Variants in PTS observed in about 807,000 individuals in gnomAD.
The protein encoded by PTS is 6-pyruvoyl tetrahydrobiopterin synthase.
In PTS, 23 loss-of-function variants were observed where a neutral mutation model predicts 20.6. The ratio of observed to expected loss-of-function variants is 1.12; its 90% CI spans 0.80 to 1.58. The LOEUF (loss-of-function observed/expected upper bound fraction) is 1.58, where lower values mean the gene tolerates loss of function less well. Among genes scored for constraint, PTS ranks in the 40% most tolerant of loss-of-function variants. The pLI, the probability that PTS is intolerant of heterozygous loss-of-function variation, is 0.00. For missense variants in PTS, 186 were observed against 182.4 expected (o/e 1.02, Z -0.11); for synonymous variants, 65 against 62.5 (o/e 1.04, Z -0.19).
intron 4 of PTS, among the ~76,000 whole-genome samples, chr11:112,232,796 C>T (rs978470123): frequency 6.6e-6 from 1 of 152,070 alleles, no homozygotes; most frequent in African/African-American, 2.4e-5. Context: ...GGCATTGTTC[C>T]GTAGGTGTGA....
At chr11:112,228,437 A>G (rs1447653573) in intron 1 of PTS, 157 bp from the exon 2 acceptor site, 1 of 661,266 alleles carries the variant, frequency 1.5e-6, no homozygotes, top group African/African-American at 1.8e-5. Context: ...CGTAAGTAAT[A>G]AAATCAACAT....
rs529650855 is a variant in PTS at position 112,229,174 on chromosome 11, A to G, written c.163+501A>G. The stretch of plus-strand genomic sequence containing the variant: ...CTTAAAAAACAGGTACATAAGTCGT[A>G]GAGTATAAAACAGTATGTGGTGTGG... On this transcript the variant is annotated intron_variant, in intron 2 of 5. Transcript: ENST00000280362. The G allele has an allele frequency of 3.9e-4, 68 of 173,910 alleles. 2 individuals are homozygous for G. In the South Asian group the frequency reaches 8.6e-3, roughly 22 times the overall value. The allele number at this position is 173,910 out of a possible 1,614,324, so 10.8% of individuals were successfully genotyped here. A position where few individuals can be genotyped will look rare whatever the true frequency, so the allele number is the denominator to read the frequency against.
intron 2 of PTS, among the ~76,000 whole-genome samples, chr11:112,229,886 C>CAG (rs1306436886): frequency 6.6e-6 from 1 of 152,194 alleles, no homozygotes; most frequent in Non-Finnish European, 1.5e-5. Flanking sequence ...CTTCTACAGG[C>CAG]AGAGACTGAG....
intron 2 of PTS, among the ~76,000 whole-genome samples, chr11:112,229,936 A>C (rs538269895): frequency 6.6e-6 from 1 of 152,314 alleles, no homozygotes; most frequent in Admixed American, 6.5e-5. Context: ...CATAAGCAGA[A>C]TTTACACCCT....
At chr11:112,230,445 A>G in intron 3 of PTS, 181 bp from the exon 4 acceptor site, 2 of 793,376 alleles carry the variant, frequency 2.5e-6, no homozygotes, top group Non-Finnish European at 4.4e-6. Context: ...AGGGCTATAC[A>G]ATGAAAAGGA....
At chr11:112,226,833 C>T (rs1482509759) in intron 1 of PTS, among the ~76,000 whole-genome samples, 11 of 151,744 alleles carry the variant, frequency 7.2e-5, no homozygotes, top group Non-Finnish European at 1.6e-4. Context: ...CGTCTCTGCC[C>T]CTAGGAGTCC....
chr11:112,227,770 T>G (rs539250114), intron 1 of PTS, among the ~76,000 whole-genome samples: 109 of 152,258 alleles, frequency 7.2e-4, no homozygotes, highest in Middle Eastern at 3.4e-3. Context: ...TCCACTTCCA[T>G]GAGCCAAACA....
At chr11:112,229,953 C>G in intron 2 of PTS, 1 of 557,796 alleles carries the variant, frequency 1.8e-6, no homozygotes, top group Non-Finnish European at 3.2e-6. Context: ...CCCTTTTCAG[C>G]CTTGGCCGAG....
At chr11:112,228,265 C>T in intron 1 of PTS, 1 of 327,154 alleles carries the variant, frequency 3.1e-6, no homozygotes, top group Non-Finnish European at 5.6e-6. Context: ...TCAGCACTTG[C>T]CTGTTACATT....
At chr11:112,231,981 G>C (rs1859944071) in intron 4 of PTS, among the ~76,000 whole-genome samples, 1 of 150,848 alleles carries the variant, frequency 6.6e-6, no homozygotes, top group Admixed American at 6.6e-5. Context: ...AGAAAAGAAA[G>C]AAAAGAGACA....
intron 4 of PTS, among the ~76,000 whole-genome samples, chr11:112,232,452 T>TA (rs1859951291): frequency 6.6e-6 from 1 of 152,216 alleles, no homozygotes; most frequent in Non-Finnish European, 1.5e-5. Flanking sequence ...TGATTGCTGT[T>TA]ACTGTTATTA....
At position 112,233,637 on chromosome 11, in the gene PTS, C is replaced by T; in HGVS notation, c.*82C>T. 6.3e-7 allele frequency: 1 copy of T among 1,595,358 alleles called. No homozygotes were observed. The highest frequency in any genetic ancestry group is 1.7e-5 in the Admixed American group (1 of 59,056). On this transcript the variant is annotated 3_prime_UTR_variant, in exon 6 of 6. Transcript: ENST00000280362. ...TGATCCCCTTGGAATATTAAGAGGT[C>T]AACACGTGATTGTTGTACGTACACA...
Position 112,230,231 on chromosome 11 carries a change from G to A in PTS, c.186+1G>A, listed in dbSNP as rs1256819927. 6.2e-7 allele frequency: 1 copy of A among 1,613,450 alleles called. No homozygotes were observed. Among genetic ancestry groups the A allele is most frequent in the Non-Finnish European group, 8.5e-7 (1 of 1,179,438 alleles). On this transcript the variant is annotated splice_donor_variant, in intron 3 of 5. Transcript: ENST00000280362. LOFTEE classifies it high-confidence loss of function. ...AGTTGTGGTGACAGTACATGGAGAG[G>A]TATGTGCAGAAAATATTTGTGTGGT...
Position 112,233,718 on chromosome 11 carries a change from A to T in PTS, c.*163A>T. The T allele has an allele frequency of 9.8e-7, 1 of 1,018,294 alleles. No individual in the cohort carries two copies. The highest frequency in any genetic ancestry group is 3.0e-5 in the East Asian group (1 of 33,598). The allele number at this position is 1,018,294 out of a possible 1,614,324, so 63.1% of individuals were successfully genotyped here. On this transcript the variant is annotated 3_prime_UTR_variant, in exon 6 of 6. Coordinates refer to ENST00000280362, the MANE Select transcript of PTS (RefSeq NM_000317.3). Reference sequence around the variant, plus strand: ...CATTGTAAGACCTGTTATAAATTTAAGTCTATTTAAAACTAAACTTGTAAT... The same window carrying T: ...CATTGTAAGACCTGTTATAAATTTATGTCTATTTAAAACTAAACTTGTAAT...
chr11:112,226,664 T>C (rs1859869404), intron 1 of PTS, 138 bp downstream of exon 1: 3 of 533,214 alleles, frequency 5.6e-6, no homozygotes, highest in Non-Finnish European at 8.8e-6. Context: ...GCTGGTCGGC[T>C]TCGTGGGGCT....
intron 1 of PTS, among the ~76,000 whole-genome samples, chr11:112,227,601 G>A (rs1371765184): frequency 6.6e-6 from 1 of 152,158 alleles, no homozygotes; most frequent in African/African-American, 2.4e-5. Flanking sequence ...CATGGTGGAA[G>A]GCGAAGGGCG....
chr11:112,233,089 A>G, intron 4 of PTS, 74 bp from the exon 5 acceptor site: 1 of 1,339,992 alleles, frequency 7.5e-7, no homozygotes, highest in Non-Finnish European at 1.1e-6. Context: ...TGAGGTTTAG[A>G]GGCATAAGTG....
chr11:112,230,145 T>C, intron 2 of PTS, 63 bp from the exon 3 acceptor site: 3 of 1,490,126 alleles, frequency 2.0e-6, no homozygotes, highest in Non-Finnish European at 2.8e-6. Flanking sequence ...TGCTAACTTG[T>C]GCTTGGATGT....
In PTS at chr11:112,233,537, G is replaced by T. The variant is rs146364246; in HGVS notation, c.420G>T (p.Val140=). The T allele has an allele frequency of 4.5e-5, 73 of 1,613,210 alleles. No homozygotes were observed. The African/African-American group carries it at 9.1e-4, about 20-fold the overall frequency. ...TATACGAAACTGACAATAATATTGT[G>T]GTTTATAAAGGAGAATAGCTATTGG... ...VKVYETDNNI[V]VYKGE The change falls in exon 6 of 6, where the codon GTG becomes GTT. Residue 140 remains valine (V), a synonymous_variant. Coordinates refer to ENST00000280362, the MANE Select transcript of PTS (RefSeq NM_000317.3).
Sources: gnomAD v4.1 joint callset for allele counts (sites outside exome capture counted in the v4.1 genomes callset) on GRCh38, gnomAD v4.1.1 for gene constraint, MANE v1.5 for transcripts, NCBI Gene and HGNC (gene_info 2026-07-23, HGNC 2026-07-21) for gene names.